RCHY1: variants seen among roughly 807,000 people sequenced by gnomAD.
The protein encoded by RCHY1 is RING finger and CHY zinc finger domain-containing protein 1.
In RCHY1, 21 loss-of-function variants were observed where a neutral mutation model predicts 41.6. The observed-to-expected ratio is 0.51, with a 90% CI of 0.36 to 0.73. The LOEUF is 0.73. Ranked by LOEUF, RCHY1 falls within the 30% of genes least tolerant of loss-of-function variation. The pLI is 0.00. For synonymous variants in RCHY1, 79 were observed against 102.9 expected (o/e 0.77, Z 1.41); for missense variants, 265 against 325.3 (o/e 0.81, Z 1.43).
Position 75,483,668 on chromosome 4 carries a change from C to T in RCHY1, c.658-1002G>A, listed in dbSNP as rs111667316. Among the ~76,000 whole-genome samples the T allele has an allele frequency of 5.5e-3, 845 of 152,266 alleles. 9 individuals carry two copies. Among genetic ancestry groups the T allele is most frequent in the African/African-American group, 0.019 (796 of 41,554 alleles). On this transcript the variant is annotated intron_variant, in intron 8 of 8. Transcript: ENST00000324439. ...GCACACTTCGGCCTCTAGTCAATCA[C>T]ATGATTATCGGTTAGTATTCCAAAA...
intron 3 of RCHY1, among the ~76,000 whole-genome samples, chr4:75,503,118 A>G (rs1272825750): frequency 6.6e-6 from 1 of 152,206 alleles, no homozygotes; most frequent in Non-Finnish European, 1.5e-5. Flanking sequence ...CGTCTTGCAC[A>G]TTATAGGATG....
rs1415278580 is a variant in RCHY1 at position 75,480,364 on chromosome 4, C to A, written c.*2174G>T. 6.6e-6 allele frequency: 1 copy of A among 152,164 alleles called. No individual in the cohort carries two copies. Among genetic ancestry groups the A allele is most frequent in the East Asian group, 1.9e-4 (1 of 5,190 alleles). The allele number at this position is 152,164 out of a possible 1,614,324, so 9.4% of individuals were successfully genotyped here. On this transcript the variant is annotated 3_prime_UTR_variant, in exon 9 of 9. Coordinates refer to ENST00000324439, the MANE Select transcript of RCHY1 (RefSeq NM_015436.4). ...ATGAGCGCTTCAATGATATGGATGA[C>A]TAGCTGTGAGGGGTATTTTAGCAAA...
chr4:75,490,202 A>G (rs778817323), intron 8 of RCHY1, among the ~76,000 whole-genome samples: 11 of 152,128 alleles, frequency 7.2e-5, no homozygotes, highest in Non-Finnish European at 1.5e-4. Flanking sequence ...AAAAATCAGC[A>G]AATATGTTCT....
intron 8 of RCHY1, among the ~76,000 whole-genome samples, chr4:75,483,558 T>A (rs770965995): frequency 6.6e-6 from 1 of 152,304 alleles, no homozygotes; most frequent in Non-Finnish European, 1.5e-5. Context: ...CACCAAATTG[T>A]ACAATTTAAA....
In RCHY1 at chr4:75,480,527, C is replaced by CTAT. The variant is rs34377379; in HGVS notation, c.*2008_*2010dup. On this transcript the variant is annotated 3_prime_UTR_variant, in exon 9 of 9. Transcript: ENST00000324439. ...AACCTCTAAACCTCAGCTTTCTTGT[C>CTAT]TATGAGGACAACACTTACCCCACAG... 2.0e-5 allele frequency: 3 copies of CTAT among 152,050 alleles called. No homozygotes were observed. The highest frequency in any genetic ancestry group is 4.4e-5 in the Non-Finnish European group (3 of 67,996). 9.4% of individuals were successfully genotyped at this position (152,050 alleles called of 1,614,324 possible).
chr4:75,507,977 G>C (rs986594804), intron 3 of RCHY1, among the ~76,000 whole-genome samples: 2 of 151,908 alleles, frequency 1.3e-5, no homozygotes, highest in Non-Finnish European at 1.5e-5. Context: ...TCTTGATCTG[G>C]GTAGTGGTTA....
chr4:75,487,667 CAT>C (rs369006663), intron 8 of RCHY1, among the ~76,000 whole-genome samples: 1 of 38,456 alleles, frequency 2.6e-5, no homozygotes, highest in Non-Finnish European at 4.3e-5. Flanking sequence ...TATATATATT[CAT>C]ATATATTCAT....
chr4:75,508,943 A>G lies in RCHY1; in HGVS notation c.211-8T>C, dbSNP rs1458406761. Reference sequence around the variant, plus strand: ...TTCACAAGTCTGTTGGGCCTAAAAAAGAAACATAATTAAAAACTGCAATAA... The same window carrying G: ...TTCACAAGTCTGTTGGGCCTAAAAAGGAAACATAATTAAAAACTGCAATAA... On this transcript the variant is annotated splice_region_variant and splice_polypyrimidine_tract_variant and intron_variant, in intron 2 of 8. Coordinates refer to ENST00000324439, the MANE Select transcript of RCHY1 (RefSeq NM_015436.4). The G allele has an allele frequency of 6.4e-7, 1 of 1,567,862 alleles. No homozygotes were observed. Among genetic ancestry groups the G allele is most frequent in the Admixed American group, 1.9e-5 (1 of 52,702 alleles).
intron 3 of RCHY1, among the ~76,000 whole-genome samples, chr4:75,503,095 T>G (rs1009311067): frequency 1.3e-5 from 2 of 152,234 alleles, no homozygotes; most frequent in African/African-American, 4.8e-5. Flanking sequence ...GATAATACTT[T>G]GTAGCAGGAA....
intron 1 of RCHY1, 187 bp downstream of exon 1, chr4:75,514,010 G>T: frequency 1.2e-6 from 1 of 811,654 alleles, no homozygotes; most frequent in Non-Finnish European, 1.8e-6. Context: ...TACGAAGCAG[G>T]TAGGAAAGGT....
chr4:75,509,391 G>T, intron 1 of RCHY1, 95 bp from the exon 2 acceptor site: 1 of 1,127,766 alleles, frequency 8.9e-7, no homozygotes, highest in Non-Finnish European at 1.3e-6. Context: ...CTCCTGGATG[G>T]AACTGAAAGA....
At chr4:75,499,737 G>A (rs990698013) in intron 3 of RCHY1, among the ~76,000 whole-genome samples, 1 of 152,176 alleles carries the variant, frequency 6.6e-6, no homozygotes, top group African/African-American at 2.4e-5. Context: ...TGAAGATAGA[G>A]TAGGCTGGAA....
At chr4:75,483,757 C>CA (rs1721739254) in intron 8 of RCHY1, among the ~76,000 whole-genome samples, 2 of 151,954 alleles carry the variant, frequency 1.3e-5, no homozygotes. Context: ...GTAAATAAAA[C>CA]AAAAAATAAT....
chr4:75,508,450 T>C (rs759102524), intron 3 of RCHY1, among the ~76,000 whole-genome samples: 3 of 152,154 alleles, frequency 2.0e-5, no homozygotes, highest in African/African-American at 7.2e-5. Context: ...TATTTCTTGA[T>C]AATTTTTTAA....
chr4:75,513,047 T>G (rs886387813), intron 1 of RCHY1, among the ~76,000 whole-genome samples: 3 of 152,078 alleles, frequency 2.0e-5, no homozygotes, highest in African/African-American at 7.2e-5. Flanking sequence ...TTTGAAAGAA[T>G]AATAATACAT....
intron 8 of RCHY1, among the ~76,000 whole-genome samples, chr4:75,489,827 C>G (rs1300961621): frequency 6.6e-6 from 1 of 152,158 alleles, no homozygotes; most frequent in East Asian, 1.9e-4. Context: ...AGAACAACAT[C>G]AGAGAAAGAC....
rs145144708 is a variant in RCHY1, at chr4:75,500,070, G to C, written c.327-5891C>G. Among the ~76,000 whole-genome samples the C allele has an allele frequency of 1.1e-3, 160 of 152,246 alleles. 5 individuals are homozygous for C. In the East Asian group the frequency reaches 0.021, roughly 20 times the overall value. The stretch of plus-strand genomic sequence containing the variant: ...GTGGGAGGATCACATAAACCTGGGA[G>C]GTCAAGGCTGCAGTGAGTCATGATT... On this transcript the variant is annotated intron_variant, in intron 3 of 8. Coordinates refer to ENST00000324439, the MANE Select transcript of RCHY1 (RefSeq NM_015436.4).
intron 3 of RCHY1, among the ~76,000 whole-genome samples, chr4:75,505,549 C>CA (rs2148765451): frequency 6.7e-6 from 1 of 150,140 alleles, no homozygotes; most frequent in South Asian, 2.1e-4. Context: ...AATAACACTA[C>CA]AAAAGTGAAA....
Position 75,508,899 on chromosome 4 carries a change from C to CA in RCHY1, c.246dup (p.Gly83TrpfsTer12). 4 of 1,610,812 alleles carry CA rather than the reference C, an allele frequency of 2.5e-6. No homozygotes were observed. The highest frequency in any genetic ancestry group is 3.4e-6 in the Non-Finnish European group (4 of 1,178,658). ...TGGCATATATCGCAATAATATTCTC[C>CA]AAACAATGTGCTACATTCTTCACAA... On this transcript the variant is annotated frameshift_variant, in exon 3 of 9. Transcript: ENST00000324439. LOFTEE classifies it high-confidence loss of function.
Sources: gnomAD v4.1 joint callset for allele counts (sites outside exome capture counted in the v4.1 genomes callset) on GRCh38, gnomAD v4.1.1 for gene constraint, MANE v1.5 for transcripts, NCBI Gene and HGNC (gene_info 2026-07-23, HGNC 2026-07-21) for gene names.